The following FNDC1 variants were observed in gnomAD, a reference collection of about 807,000 sequenced individuals.
FNDC1 encodes the protein fibronectin type III domain-containing protein 1.
In FNDC1, 96 loss-of-function variants were observed where a neutral mutation model predicts 168.0. That is an observed-to-expected ratio of 0.57 (90% CI 0.48 to 0.68). FNDC1 has a LOEUF of 0.68. Ranked by LOEUF, FNDC1 falls within the 30% of genes least tolerant of loss-of-function variation. The probability of loss-of-function intolerance (pLI) is 0.00; values close to 1 mark genes in which losing one functional copy is unlikely to be tolerated. For missense variants in FNDC1, 2,587 were observed against 2,482.1 expected (o/e 1.04, Z -0.90); for synonymous variants, 1,099 against 1,025.9 (o/e 1.07, Z -1.36).
Position 159,251,341 on chromosome 6 carries a change from C to T in FNDC1, c.4874C>T (p.Pro1625Leu), listed in dbSNP as rs749321503. ...TACCTAAATAAAGACCCATCAGCCC[C>T]GTGCTCTCTGACTGATGCACTGGAT... ...VTYLNKDPSA[P>L]CSLTDALDHF... is the part of the protein sequence containing the mutation. The change falls in exon 17 of 23, where the codon CCG becomes CTG. Residue 1625 changes from proline to leucine, a missense_variant. Physicochemically the swap from Pro to Leu is moderately conservative, Grantham distance 98. Coordinates refer to ENST00000297267, the MANE Select transcript of FNDC1 (RefSeq NM_032532.3). 4.0e-5 allele frequency: 64 copies of T among 1,613,818 alleles called. No individual in the cohort carries two copies. The Middle Eastern group carries it at 9.9e-4, about 25-fold the overall frequency.
At chr6:159,253,654 A>C (rs988392577) in intron 17 of FNDC1, among the ~76,000 whole-genome samples, 1 of 152,348 alleles carries the variant, frequency 6.6e-6, no homozygotes, top group East Asian at 1.9e-4. Flanking sequence ...GGAAATCACC[A>C]ACGTGATGAC....
Position 159,267,859 on chromosome 6 carries a change from T to C in FNDC1, c.5502T>C (p.Phe1834=). 1 of 1,613,626 alleles carries C rather than the reference T, an allele frequency of 6.2e-7. No homozygotes were observed. Among genetic ancestry groups the C allele is most frequent in the Non-Finnish European group, 8.5e-7 (1 of 1,179,750 alleles). ...GAAGAGGTGAAGACCATTGCCAATT[T>C]GTGGATTCACACCTTGATGGAAGAA... The part of the protein sequence containing the change: ...SWGRGEDHCQ[F]VDSHLDGRTG... Residue 1834 remains phenylalanine (F), a synonymous_variant, in exon 22 of 23, where the codon TTT becomes TTC. Transcript: ENST00000297267.
chr6:159,197,333 G>A (rs11753418), intron 1 of FNDC1, 98 bp from the exon 2 acceptor site: 71,453 of 1,144,338 alleles, frequency 0.062, 2,640 homozygotes, highest in Non-Finnish European at 0.073. Context: ...CTGATTAAAC[G>A]TCATTTACTG....
chr6:159,185,307 T>A (rs1781972376), intron 1 of FNDC1, among the ~76,000 whole-genome samples: 1 of 152,068 alleles, frequency 6.6e-6, no homozygotes, highest in Non-Finnish European at 1.5e-5. Context: ...CCAGAGGGGA[T>A]CCCTTAAAAA....
At chr6:159,258,006 G>T (rs989280843) in intron 18 of FNDC1, among the ~76,000 whole-genome samples, 1 of 150,490 alleles carries the variant, frequency 6.6e-6, no homozygotes, top group Non-Finnish European at 1.5e-5. Flanking sequence ...TTGCCACAGA[G>T]CTACTTACAA....
At position 159,234,469 on chromosome 6, in the gene FNDC1, T is replaced by A; in HGVS notation, c.3957T>A (p.Ser1319=). 6.2e-7 allele frequency: 1 copy of A among 1,613,318 alleles called. No homozygotes were observed. Among genetic ancestry groups the A allele is most frequent in the East Asian group, 2.2e-5 (1 of 44,884 alleles). The change falls in exon 11 of 23, where the codon TCT becomes TCA. Residue 1319 remains serine, a synonymous_variant. Transcript: ENST00000297267. ...TCTCCCGACAGCCTGCCAGACCCTC[T>A]TACAGACAAGGTAGTTTATTTTTTC... is the stretch of plus-strand genomic sequence containing the variant. ...NPLSRQPARP[S]YRQGYNGRPN...
In FNDC1 at chr6:159,271,505, G is replaced by A. The variant is rs937645598; in HGVS notation, c.*63G>A. On this transcript the variant is annotated 3_prime_UTR_variant, in exon 23 of 23. Transcript: ENST00000297267. Reference sequence around the variant, plus strand: ...CCCCACCAACTAAGTCGCACTAGGGGCTGTGAGCAAAGACAGCCAGCGTGC... The same window carrying A: ...CCCCACCAACTAAGTCGCACTAGGGACTGTGAGCAAAGACAGCCAGCGTGC... 2 of 1,306,210 alleles carry A rather than the reference G, an allele frequency of 1.5e-6. No individual in the cohort carries two copies. The highest frequency in any genetic ancestry group is 2.2e-6 in the Non-Finnish European group (2 of 922,824). The allele number at this position is 1,306,210 out of a possible 1,614,324, so 80.9% of individuals were successfully genotyped here.
In FNDC1 at chr6:159,238,570, G is replaced by A. The variant is rs768058077; in HGVS notation, c.4085G>A (p.Arg1362His). ...TGGATTTAGGTTGTGGACCTTGATC[G>A]TGGGTTAGTATTGAATGCAGAAGGA... Reference protein sequence around the residue: ...QGTKWVVDLDRGLVLNAEGRY... With the variant: ...QGTKWVVDLDHGLVLNAEGRY... The change falls in exon 13 of 23, where the codon CGT (arginine) becomes CAT (histidine). Residue 1362 changes from arginine to histidine, a missense_variant. Physicochemically the swap from Arg to His is conservative, Grantham distance 29. Coordinates refer to ENST00000297267, the MANE Select transcript of FNDC1 (RefSeq NM_032532.3). 5 of 1,609,896 alleles carry A rather than the reference G, an allele frequency of 3.1e-6. No homozygotes were observed. The highest frequency in any genetic ancestry group is 1.1e-5 in the South Asian group (1 of 89,696).
At position 159,236,226 on chromosome 6, in the gene FNDC1, A is replaced by C; in HGVS notation, c.3979A>C (p.Arg1327=). 6.2e-7 allele frequency: 1 copy of C among 1,613,012 alleles called. No individual in the cohort carries two copies. Among genetic ancestry groups the C allele is most frequent in the Non-Finnish European group, 8.5e-7 (1 of 1,179,124 alleles). ...RPSYRQGYNG[R]PNVEGKVLPG... Reference sequence around the variant, plus strand: ...TTGGTACTGTGTAGGTTATAATGGCAGACCAAATGTAGAAGGGAAAGTCCT... The same window carrying C: ...TTGGTACTGTGTAGGTTATAATGGCCGACCAAATGTAGAAGGGAAAGTCCT... The change falls in exon 12 of 23, where the codon AGA becomes CGA. Residue 1327 remains arginine, a synonymous_variant. Coordinates refer to ENST00000297267, the MANE Select transcript of FNDC1 (RefSeq NM_032532.3).
At chr6:159,187,815 C>G (rs1782034424) in intron 1 of FNDC1, among the ~76,000 whole-genome samples, 1 of 152,166 alleles carries the variant, frequency 6.6e-6, no homozygotes, top group African/African-American at 2.4e-5. Flanking sequence ...GTTGTCAACC[C>G]TCTGATGTTT....
At position 159,236,326 on chromosome 6, in the gene FNDC1, C is replaced by T. The variant is rs536856438; in HGVS notation, c.4068+11C>T. ...CAAGGAACAAAGTGGGTAGGGTAAA[C>T]TTCTTTACACATCCCCGTTGTTTTC... On this transcript the variant is annotated intron_variant, in intron 12 of 22. Coordinates refer to ENST00000297267, the MANE Select transcript of FNDC1 (RefSeq NM_032532.3). 2 of 1,563,134 alleles carry T rather than the reference C, an allele frequency of 1.3e-6. No individual in the cohort carries two copies. Among genetic ancestry groups the T allele is most frequent in the South Asian group, 2.2e-5 (2 of 89,330 alleles).
At chr6:159,212,248 G>A (rs573308965) in intron 4 of FNDC1, among the ~76,000 whole-genome samples, 16 of 152,354 alleles carry the variant, frequency 1.1e-4, no homozygotes, top group Admixed American at 7.8e-4. Flanking sequence ...TACATTCAGC[G>A]CTGGTGGATG....
chr6:159,170,923 C>T (rs1356828610), intron 1 of FNDC1, among the ~76,000 whole-genome samples: 2 of 152,188 alleles, frequency 1.3e-5, no homozygotes, highest in African/African-American at 4.8e-5. Context: ...ACTTCCCCAC[C>T]TACAACTCCT....
At chr6:159,238,690 A>G in intron 13 of FNDC1, 25 bp downstream of exon 13, 1 of 1,435,020 alleles carries the variant, frequency 7.0e-7, no homozygotes, top group Non-Finnish European at 9.6e-7. Flanking sequence ...TTTTTAAAGA[A>G]TAAAAGCCTA....
Position 159,192,075 on chromosome 6 carries a change from A to G in FNDC1, c.110-5356A>G, listed in dbSNP as rs116065012. ...TTTTTATATATAGAAATGAGGTTTC[A>G]CCATCTTGCTCAGACTGGTCTCAAA... On this transcript the variant is annotated intron_variant, in intron 1 of 22. Transcript: ENST00000297267. Among the ~76,000 whole-genome samples, 1,361 of 152,156 alleles carry G rather than the reference A, an allele frequency of 8.9e-3. 21 individuals are homozygous for G. Among genetic ancestry groups the G allele is most frequent in the African/African-American group, 0.031 (1,300 of 41,504 alleles).
At chr6:159,194,246 C>A (rs1001520283) in intron 1 of FNDC1, among the ~76,000 whole-genome samples, 1 of 152,194 alleles carries the variant, frequency 6.6e-6, no homozygotes, top group African/African-American at 2.4e-5. Flanking sequence ...CTTGTCATGG[C>A]CCTACCTGTC....
intron 17 of FNDC1, among the ~76,000 whole-genome samples, chr6:159,254,340 A>G (rs1308788062): frequency 1.3e-5 from 2 of 152,068 alleles, no homozygotes; most frequent in South Asian, 2.1e-4. Flanking sequence ...AACCATGCAC[A>G]TGGTTTTAAT....
At chr6:159,269,617 AT>A (rs1777700363) in intron 22 of FNDC1, among the ~76,000 whole-genome samples, 1 of 149,986 alleles carries the variant, frequency 6.7e-6, no homozygotes, top group Non-Finnish European at 1.5e-5. Flanking sequence ...CTATCTATCT[AT>A]CTATCTATCT....
intron 1 of FNDC1, among the ~76,000 whole-genome samples, chr6:159,195,661 G>A (rs891904129): frequency 2.6e-5 from 4 of 152,106 alleles, no homozygotes; most frequent in South Asian, 2.1e-4. Context: ...GCAAGGTATC[G>A]CAGAGAAGAA....
Sources: gnomAD v4.1 joint callset for allele counts (sites outside exome capture counted in the v4.1 genomes callset) on GRCh38, gnomAD v4.1.1 for gene constraint, MANE v1.5 for transcripts, NCBI Gene and HGNC (gene_info 2026-07-23, HGNC 2026-07-21) for gene names.